The following PCDHAC1 variants were observed in gnomAD, a reference collection of about 807,000 sequenced individuals.
PCDHAC1 encodes the protein protocadherin alpha-C1.
A neutral mutation model predicts 60.0 loss-of-function variants in PCDHAC1; 42 were observed. That is an observed-to-expected ratio of 0.70 (90% CI 0.55 to 0.90). The LOEUF (loss-of-function observed/expected upper bound fraction) is 0.90. Ranked by LOEUF, PCDHAC1 falls within the 40% of genes least tolerant of loss-of-function variation. The pLI, the probability that PCDHAC1 is intolerant of heterozygous loss-of-function variation, is 0.00. For synonymous variants in PCDHAC1, 468 were observed against 499.3 expected (o/e 0.94, Z 0.84); for missense variants, 1,160 against 1,222.3 (o/e 0.95, Z 0.76).
intron 1 of PCDHAC1, chr5:140,967,329 G>A: frequency 6.2e-7 from 1 of 1,608,212 alleles, no homozygotes; most frequent in Non-Finnish European, 8.5e-7. Flanking sequence ...TACGAGCTCA[G>A]CCCCAGCGAG....
chr5:140,979,999 C>G (rs1563478157), intron 2 of PCDHAC1, among the ~76,000 whole-genome samples: 1 of 152,172 alleles, frequency 6.6e-6, no homozygotes, highest in African/African-American at 2.4e-5. Context: ...TTAACATACT[C>G]TCAAGCATTA....
intron 1 of PCDHAC1, among the ~76,000 whole-genome samples, chr5:140,942,586 A>C (rs559683622): frequency 1.3e-5 from 2 of 150,518 alleles, no homozygotes; most frequent in African/African-American, 4.9e-5. Context: ...ATAGGATGTC[A>C]CATATAATTA....
rs781866730 is a variant in PCDHAC1 at position 141,009,887 on chromosome 5, CAG to C, written c.2843_2844del (p.Gln948ArgfsTer11). ...GAAAAAGAAGAAGGGTAACAAGACCCAGGAGAAAAAAGAGAAAGGGAACAGCA... is the reference window on the plus strand; with the variant it reads ...GAAAAAGAAGAAGGGTAACAAGACCCGAGAAAAAAGAGAAAGGGAACAGCA... ...KKKKKKGNKTQEKKEKGNSTT... is the reference protein window; with the variant it reads ...KKKKKKGNKTXEKKEKGNSTT... On this transcript the variant is annotated frameshift_variant, in exon 4 of 4. Transcript: ENST00000253807. LOFTEE classifies it high-confidence loss of function. 1.9e-6 allele frequency: 3 copies of C among 1,612,850 alleles called. No homozygotes were observed. In the South Asian group the frequency reaches 3.3e-5, roughly 18 times the overall value.
intron 1 of PCDHAC1, chr5:140,968,562 C>T (rs1210264786): frequency 4.3e-6 from 7 of 1,614,090 alleles, no homozygotes; most frequent in Non-Finnish European, 8.5e-7. Context: ...CGAACTGCCC[C>T]TGCTGGCTAC....
In PCDHAC1 at chr5:141,012,021, A is replaced by T. The variant is rs1428323351; in HGVS notation, c.*2084A>T. 6.5e-6 allele frequency: 1 copy of T among 153,734 alleles called. No individual in the cohort carries two copies. The highest frequency in any genetic ancestry group is 1.5e-5 in the Non-Finnish European group (1 of 68,044). 9.5% of individuals were successfully genotyped at this position (153,734 alleles called of 1,614,324 possible). The stretch of plus-strand genomic sequence containing the variant: ...CATATTTTGAAGGGTGTGTAACTTC[A>T]GCTCTGCAGGATTGCATGGGGTAAA... On this transcript the variant is annotated 3_prime_UTR_variant, in exon 4 of 4. Transcript: ENST00000253807.
At chr5:140,959,886 G>A (rs1171381497) in intron 1 of PCDHAC1, among the ~76,000 whole-genome samples, 1 of 152,194 alleles carries the variant, frequency 6.6e-6, no homozygotes, top group Non-Finnish European at 1.5e-5. Flanking sequence ...GAATACACGA[G>A]TGGGATTTAT....
rs1210767626 is a variant in PCDHAC1 at position 141,010,197 on chromosome 5, C to G, written c.*260C>G. 83 of 1,552,082 alleles carry G rather than the reference C, an allele frequency of 5.3e-5. No homozygotes were observed. Among genetic ancestry groups the G allele is most frequent in the Non-Finnish European group, 6.6e-5 (76 of 1,147,118 alleles). On this transcript the variant is annotated 3_prime_UTR_variant, in exon 4 of 4. Coordinates refer to ENST00000253807, the MANE Select transcript of PCDHAC1 (RefSeq NM_018898.5). ...AAAAGCAGACCCAAGTTTCCTTTCT[C>G]CTCCGCCGCAAAGGAGAGGCTTCCC...
At chr5:140,970,156 T>C (rs933887683) in intron 1 of PCDHAC1, among the ~76,000 whole-genome samples, 6 of 152,188 alleles carry the variant, frequency 3.9e-5, no homozygotes, top group African/African-American at 1.4e-4. Context: ...CTCCCAATAG[T>C]CACCTTTCTT....
chr5:140,937,835 C>T (rs782666689), intron 1 of PCDHAC1, among the ~76,000 whole-genome samples: 3 of 151,520 alleles, frequency 2.0e-5, no homozygotes, highest in Non-Finnish European at 2.9e-5. Context: ...TGGCATGAAC[C>T]TGGAAGGCGG....
intron 1 of PCDHAC1, among the ~76,000 whole-genome samples, chr5:140,974,827 G>A (rs1356890991): frequency 6.6e-6 from 1 of 152,182 alleles, no homozygotes; most frequent in Admixed American, 6.5e-5. Flanking sequence ...GCAACATAAT[G>A]ATTATTTTAA....
chr5:141,003,796 G>A (rs2098138988), intron 3 of PCDHAC1, among the ~76,000 whole-genome samples: 1 of 152,168 alleles, frequency 6.6e-6, no homozygotes, highest in Non-Finnish European at 1.5e-5. Context: ...ATCCTATTGG[G>A]TTGTAATCTG....
intron 1 of PCDHAC1, among the ~76,000 whole-genome samples, chr5:140,976,124 C>G (rs1554237320): frequency 6.6e-6 from 1 of 152,158 alleles, no homozygotes. Flanking sequence ...CAAGTTTAAT[C>G]AAGTTCTGGA....
At chr5:140,982,688 ATACATACATGATTTCCT>A in intron 3 of PCDHAC1, 125 bp downstream of exon 3, 1 of 1,415,764 alleles carries the variant, frequency 7.1e-7, no homozygotes, top group African/African-American at 1.4e-5. Flanking sequence ...CCTTTTTTCC[ATACATACATGATTTCCT>A]TACATATATG....
intron 3 of PCDHAC1, among the ~76,000 whole-genome samples, chr5:140,992,293 G>A (rs1043574685): frequency 1.3e-5 from 2 of 152,136 alleles, no homozygotes; most frequent in African/African-American, 2.4e-5. Flanking sequence ...GCAAAGGATG[G>A]GAGTATTGTT....
At chr5:140,971,322 A>G (rs1344853773) in intron 1 of PCDHAC1, among the ~76,000 whole-genome samples, 6 of 152,224 alleles carry the variant, frequency 3.9e-5, no homozygotes, top group Admixed American at 3.9e-4. Context: ...TCTAGGGAGA[A>G]AATTATTTCA....
At chr5:140,987,444 C>T (rs2097254283) in intron 3 of PCDHAC1, among the ~76,000 whole-genome samples, 2 of 151,998 alleles carry the variant, frequency 1.3e-5, no homozygotes, top group Admixed American at 6.6e-5. Flanking sequence ...TCCCCATGCC[C>T]GAGAGATAAT....
intron 3 of PCDHAC1, among the ~76,000 whole-genome samples, chr5:141,001,404 T>A (rs965496882): frequency 1.3e-4 from 20 of 152,072 alleles, no homozygotes; most frequent in African/African-American, 4.8e-4. Context: ...GAACAGGGAG[T>A]ATATTTTTAC....
intron 1 of PCDHAC1, among the ~76,000 whole-genome samples, chr5:140,931,201 A>G (rs1444701917): frequency 2.6e-5 from 4 of 152,176 alleles, no homozygotes; most frequent in Admixed American, 2.6e-4. Context: ...CTACAATGCT[A>G]GTATTTCAGG....
At chr5:140,968,644 G>C (rs1554230935) in intron 1 of PCDHAC1, 3 of 1,614,046 alleles carry the variant, frequency 1.9e-6, no homozygotes, top group African/African-American at 2.7e-5. Context: ...ATCTAGCCCA[G>C]ACTTCTGACC....
Sources: allele counts gnomAD v4.1 joint callset (sites outside exome capture counted in the v4.1 genomes callset), GRCh38; gene constraint gnomAD v4.1.1; transcripts MANE v1.5; gene names NCBI Gene and HGNC (gene_info 2026-07-23, HGNC 2026-07-21).